Variants in B3GALT1 observed in about 807,000 individuals in gnomAD.
B3GALT1 encodes beta-1,3-galactosyltransferase 1.
Under a neutral mutation model 23.2 loss-of-function variants are expected in B3GALT1, and 10 were observed. That is an observed-to-expected ratio of 0.43 (90% CI 0.27 to 0.73). The LOEUF is 0.73. Among genes scored for constraint, B3GALT1 ranks in the 30% least tolerant of loss-of-function variants. The pLI is 0.21. For synonymous variants in B3GALT1, 156 were observed against 141.5 expected, an observed-to-expected ratio of 1.10 and a Z score of -0.73; for missense variants, 299 against 405.4, an observed-to-expected ratio of 0.74 and a Z score of 2.25.
At chr2:167,742,678 G>A (rs554873879) in intron 3 of B3GALT1, among the ~76,000 whole-genome samples, 2 of 152,146 alleles carry the variant, frequency 1.3e-5, no homozygotes, top group African/African-American at 2.4e-5. Context: ...TTTTTTTTAA[G>A]TATGAGCACA....
intron 2 of B3GALT1, among the ~76,000 whole-genome samples, chr2:167,618,436 G>A (rs1458390959): frequency 6.6e-6 from 1 of 151,930 alleles, no homozygotes; most frequent in Non-Finnish European, 1.5e-5. Flanking sequence ...TGAGAGTACA[G>A]ATATGACCTG....
chr2:167,323,815 T>C (rs1414099646), intron 1 of B3GALT1, among the ~76,000 whole-genome samples: 2 of 151,042 alleles, frequency 1.3e-5, no homozygotes, highest in Non-Finnish European at 3.0e-5. Context: ...CAGTACTTCA[T>C]GCTTGGTAGA....
chr2:167,638,318 G>A (rs1347918792), intron 2 of B3GALT1, among the ~76,000 whole-genome samples: 2 of 152,040 alleles, frequency 1.3e-5, no homozygotes, highest in African/African-American at 4.8e-5. Context: ...CATTGGCATG[G>A]CAGTCATATT....
intron 3 of B3GALT1, among the ~76,000 whole-genome samples, chr2:167,816,933 G>A (rs1421917223): frequency 1.3e-5 from 2 of 152,154 alleles, no homozygotes; most frequent in Non-Finnish European, 2.9e-5. Context: ...ATTAGAATAA[G>A]ACATTTTTTA....
intron 3 of B3GALT1, among the ~76,000 whole-genome samples, chr2:167,811,206 G>C (rs995893064): frequency 1.3e-5 from 2 of 152,184 alleles, no homozygotes; most frequent in Admixed American, 1.3e-4. Flanking sequence ...CTGACATTCA[G>C]ATCAAGTTCT....
intron 1 of B3GALT1, among the ~76,000 whole-genome samples, chr2:167,293,576 G>C (rs1227429355): frequency 6.6e-6 from 1 of 152,122 alleles, no homozygotes; most frequent in Non-Finnish European, 1.5e-5. Context: ...ATGTGGATGC[G>C]TGTGTGCGCG....
chr2:167,685,371 G>A (rs60999085), intron 3 of B3GALT1, among the ~76,000 whole-genome samples: 16,173 of 152,158 alleles, frequency 0.11, 1,045 homozygotes, highest in East Asian at 0.34. Flanking sequence ...GGGATTATTG[G>A]TACATGCCAC....
chr2:167,429,374 C>T (rs1264695723), intron 1 of B3GALT1, among the ~76,000 whole-genome samples: 1 of 151,290 alleles, frequency 6.6e-6, no homozygotes, highest in Admixed American at 6.6e-5. Flanking sequence ...CCAAGGTTAA[C>T]ATTAGCATGC....
At chr2:167,389,100 A>G (rs1180222558) in intron 1 of B3GALT1, among the ~76,000 whole-genome samples, 2 of 152,214 alleles carry the variant, frequency 1.3e-5, no homozygotes, top group Non-Finnish European at 2.9e-5. Flanking sequence ...GGTTACAAAG[A>G]GAGCCAGTAT....
At chr2:167,519,840 G>A (rs1332810239) in intron 2 of B3GALT1, among the ~76,000 whole-genome samples, 2 of 152,108 alleles carry the variant, frequency 1.3e-5, no homozygotes, top group Non-Finnish European at 2.9e-5. Context: ...GGGAGGCCAA[G>A]GCAGGTAGAT....
intron 2 of B3GALT1, among the ~76,000 whole-genome samples, chr2:167,535,605 G>T (rs975391764): frequency 2.6e-5 from 4 of 151,692 alleles, no homozygotes; most frequent in Non-Finnish European, 4.4e-5. Flanking sequence ...GAACACATAG[G>T]TATAAAAAGG....
intron 3 of B3GALT1, among the ~76,000 whole-genome samples, chr2:167,694,932 A>G (rs900601343): frequency 1.6e-4 from 25 of 152,104 alleles, no homozygotes; most frequent in Admixed American, 6.6e-5. Context: ...CTTTGCTTAG[A>G]TAACTTCATC....
chr2:167,431,531 T>G (rs1228822545), intron 1 of B3GALT1, among the ~76,000 whole-genome samples: 2 of 152,224 alleles, frequency 1.3e-5, no homozygotes, highest in Non-Finnish European at 2.9e-5. Flanking sequence ...CAAATAGATA[T>G]GTTTTGCTTT....
chr2:167,403,197 G>A (rs984356481), intron 1 of B3GALT1, among the ~76,000 whole-genome samples: 23 of 111,680 alleles, frequency 2.1e-4, no homozygotes, highest in African/African-American at 6.6e-4. Context: ...TACAGGCCCC[G>A]GTGTGTGATG....
rs114214915 is a variant in B3GALT1 at position 167,438,001 on chromosome 2, G to A, written c.-510-52176G>A. On this transcript the variant is annotated intron_variant, in intron 1 of 4. Coordinates refer to ENST00000392690, the MANE Select transcript of B3GALT1 (RefSeq NM_020981.4). ...ATGGCACTTTCTTCCCTCCTAGTGAGGCTAAAAAGAGTAGAAAGCAATAGT... is the reference window on the plus strand; with the variant it reads ...ATGGCACTTTCTTCCCTCCTAGTGAAGCTAAAAAGAGTAGAAAGCAATAGT... Among the ~76,000 whole-genome samples the A allele has an allele frequency of 7.8e-3, 1,193 of 152,228 alleles. 17 individuals are homozygous for A. Among genetic ancestry groups the A allele is most frequent in the African/African-American group, 0.027 (1,135 of 41,524 alleles).
intron 1 of B3GALT1, among the ~76,000 whole-genome samples, chr2:167,309,521 A>G (rs1234602517): frequency 6.6e-6 from 1 of 152,002 alleles, no homozygotes; most frequent in East Asian, 1.9e-4. Flanking sequence ...TTCATGTCCT[A>G]GTGGGACTCC....
chr2:167,470,053 C>T (rs75594726), intron 1 of B3GALT1, among the ~76,000 whole-genome samples: 1,530 of 152,200 alleles, frequency 0.01, 27 homozygotes, highest in African/African-American at 0.035. Flanking sequence ...ATCACAATAT[C>T]CTTCCTCTGA....
intron 3 of B3GALT1, among the ~76,000 whole-genome samples, chr2:167,789,471 C>T (rs1265913604): frequency 6.6e-6 from 1 of 152,046 alleles, no homozygotes; most frequent in Non-Finnish European, 1.5e-5. Context: ...ATGATAAGAG[C>T]ATAAATAAAG....
At chr2:167,641,710 T>C (rs949757495) in intron 2 of B3GALT1, among the ~76,000 whole-genome samples, 1 of 152,164 alleles carries the variant, frequency 6.6e-6, no homozygotes, top group African/African-American at 2.4e-5. Context: ...GTAATGGGAC[T>C]GGCCTTGGTT....
Sources: gnomAD v4.1 joint callset for allele counts (sites outside exome capture counted in the v4.1 genomes callset) on GRCh38, gnomAD v4.1.1 for gene constraint, MANE v1.5 for transcripts, NCBI Gene and HGNC (gene_info 2026-07-23, HGNC 2026-07-21) for gene names.